Variants in XKR6 observed in about 807,000 individuals in gnomAD.
XKR6 encodes XK related 6.
A neutral mutation model predicts 56.7 loss-of-function variants in XKR6; 22 were observed. That is an observed-to-expected ratio of 0.39 (90% confidence interval 0.28 to 0.55). XKR6 has a LOEUF of 0.55. Ranked by LOEUF, XKR6 falls within the 20% of genes least tolerant of loss-of-function variation. XKR6 has a pLI of 0.66. For missense variants in XKR6, 852 were observed against 889.0 expected, an observed-to-expected ratio of 0.96 and a Z score of 0.53; for synonymous variants, 524 against 387.8, an observed-to-expected ratio of 1.35 and a Z score of -4.13.
intron 2 of XKR6, among the ~76,000 whole-genome samples, chr8:10,913,735 T>G (rs1313809489): frequency 1.3e-5 from 2 of 152,280 alleles, no homozygotes; most frequent in South Asian, 2.1e-4. Context: ...GGACTTCACG[T>G]GGTGTTCAAG....
chr8:11,038,653 G>C (rs752853109), intron 1 of XKR6, among the ~76,000 whole-genome samples: 1 of 151,964 alleles, frequency 6.6e-6, no homozygotes, highest in Non-Finnish European at 1.5e-5. Flanking sequence ...TCCTGCCTCA[G>C]CCTCCTGAGT....
chr8:10,928,230 C>A (rs1800954742), intron 1 of XKR6, among the ~76,000 whole-genome samples: 1 of 152,200 alleles, frequency 6.6e-6, no homozygotes, highest in South Asian at 2.1e-4. Flanking sequence ...CAGGCCTGAC[C>A]CCATGACCTT....
chr8:10,905,858 G>C (rs1800174106), intron 2 of XKR6, among the ~76,000 whole-genome samples: 1 of 152,164 alleles, frequency 6.6e-6, no homozygotes, highest in Non-Finnish European at 1.5e-5. Context: ...TCCCAGGAAA[G>C]GATAAGGCAG....
chr8:11,002,033 A>G (rs1228054670), intron 1 of XKR6, among the ~76,000 whole-genome samples: 1 of 151,916 alleles, frequency 6.6e-6, no homozygotes, highest in African/African-American at 2.4e-5. Flanking sequence ...AAATGCCCTA[A>G]GAAGACAAAT....
At chr8:11,138,008 G>A in intron 1 of XKR6, 1 of 303,794 alleles carries the variant, frequency 3.3e-6, no homozygotes, top group Non-Finnish European at 6.4e-6. Context: ...TTCTACCTCG[G>A]AAGACATCAG....
intron 1 of XKR6, among the ~76,000 whole-genome samples, chr8:11,083,251 C>T (rs1797786602): frequency 6.6e-6 from 1 of 152,200 alleles, no homozygotes; most frequent in Admixed American, 6.5e-5. Flanking sequence ...ACTTGGAGTT[C>T]AGTGACTCCC....
At chr8:11,075,162 G>C (rs917430504) in intron 1 of XKR6, among the ~76,000 whole-genome samples, 1 of 152,164 alleles carries the variant, frequency 6.6e-6, no homozygotes, top group African/African-American at 2.4e-5. Flanking sequence ...CCCTGCCATG[G>C]CTTGAACTCT....
At chr8:10,984,722 C>CTA (rs1353804781) in intron 1 of XKR6, among the ~76,000 whole-genome samples, 46 of 79,210 alleles carry the variant, frequency 5.8e-4, no homozygotes, top group African/African-American at 2.1e-3. Flanking sequence ...CTCTCTCTCT[C>CTA]TCTCTCTCTC....
At chr8:10,935,335 C>G (rs1014050655) in intron 1 of XKR6, among the ~76,000 whole-genome samples, 2 of 136,494 alleles carry the variant, frequency 1.5e-5, no homozygotes, top group Non-Finnish European at 3.2e-5. Flanking sequence ...TTTTGTTGAT[C>G]CTTTCAAAAA....
At chr8:10,985,937 AT>A (rs1223427552) in intron 1 of XKR6, among the ~76,000 whole-genome samples, 1 of 152,220 alleles carries the variant, frequency 6.6e-6, no homozygotes, top group Admixed American at 6.5e-5. Context: ...AGATAAGCTG[AT>A]TTTCAAATTC....
chr8:10,976,372 G>A (rs554510922), intron 1 of XKR6, among the ~76,000 whole-genome samples: 1 of 152,238 alleles, frequency 6.6e-6, no homozygotes, highest in Non-Finnish European at 1.5e-5. Flanking sequence ...TCAATGAAGG[G>A]AAAGCTGCCA....
chr8:10,928,587 G>C (rs1479264045), intron 1 of XKR6, among the ~76,000 whole-genome samples: 1 of 152,192 alleles, frequency 6.6e-6, no homozygotes, highest in East Asian at 1.9e-4. Flanking sequence ...CTCTGCAGAA[G>C]CGGCCTCGAC....
At chr8:11,178,560 A>ATATATATGTATATATATC (rs1802789934) in intron 1 of XKR6, among the ~76,000 whole-genome samples, 1 of 141,488 alleles carries the variant, frequency 7.1e-6, no homozygotes, top group Non-Finnish European at 1.5e-5. Flanking sequence ...ATATATATAT[A>ATATATATGTATATATATC]TATATATATA....
intron 1 of XKR6, among the ~76,000 whole-genome samples, chr8:10,926,289 A>G (rs1800881365): frequency 6.6e-6 from 1 of 151,880 alleles, no homozygotes; most frequent in South Asian, 2.1e-4. Context: ...TCCACTGTCT[A>G]CTCTTACCCC....
rs139454537 is a variant in XKR6, at chr8:11,176,882, C to T, written c.764+23694G>A. 7.6e-4 allele frequency among the ~76,000 whole-genome samples: 115 copies of T among 152,316 alleles called. 1 individual carries two copies. The Middle Eastern group carries it at 0.01, about 14-fold the overall frequency. ...CACCCTGGCAGCAAGATGCCCCTGCCACCAGAGCAACAGAATCCAGCAGTG... is the reference window on the plus strand; with the variant it reads ...CACCCTGGCAGCAAGATGCCCCTGCTACCAGAGCAACAGAATCCAGCAGTG... On this transcript the variant is annotated intron_variant, in intron 1 of 2. Coordinates refer to ENST00000416569, the MANE Select transcript of XKR6 (RefSeq NM_173683.4).
chr8:11,144,512 G>T (rs1303803841), intron 1 of XKR6, among the ~76,000 whole-genome samples: 2 of 151,966 alleles, frequency 1.3e-5, no homozygotes, highest in Non-Finnish European at 2.9e-5. Flanking sequence ...GGAGACCAGG[G>T]CGCAGGCACA....
At chr8:11,169,095 T>G (rs1313067194) in intron 1 of XKR6, among the ~76,000 whole-genome samples, 2 of 152,116 alleles carry the variant, frequency 1.3e-5, no homozygotes, top group African/African-American at 2.4e-5. Context: ...CCAAGCTGAG[T>G]AGGCTTTCTC....
At chr8:11,049,437 C>T (rs1220534051) in intron 1 of XKR6, among the ~76,000 whole-genome samples, 1 of 152,182 alleles carries the variant, frequency 6.6e-6, no homozygotes, top group Non-Finnish European at 1.5e-5. Context: ...CCGGGGCTGG[C>T]TGCTCCCTGC....
intron 1 of XKR6, chr8:11,108,168 C>G (rs748353698): frequency 4.9e-6 from 2 of 409,838 alleles, no homozygotes; most frequent in South Asian, 3.7e-5. Context: ...TCGGGTGCAT[C>G]TGTTCTGTTA....
Sources: gnomAD v4.1 joint callset for allele counts (sites outside exome capture counted in the v4.1 genomes callset) on GRCh38, gnomAD v4.1.1 for gene constraint, MANE v1.5 for transcripts, NCBI Gene and HGNC (gene_info 2026-07-23, HGNC 2026-07-21) for gene names.